The following PALM2AKAP2 variants were observed in gnomAD, a reference collection of about 807,000 sequenced individuals.
PALM2AKAP2 encodes PALM2-AKAP2 fusion protein.
PALM2AKAP2 carries 37 observed loss-of-function variants against 71.5 expected under a neutral mutation model. That is an observed-to-expected ratio of 0.52 (90% CI 0.40 to 0.68). The LOEUF (loss-of-function observed/expected upper bound fraction) is 0.68, where lower values mean the gene tolerates loss of function less well. Ranked by LOEUF, PALM2AKAP2 falls within the 30% of genes least tolerant of loss-of-function variation. The pLI is 0.00. For synonymous variants in PALM2AKAP2, 468 were observed against 478.8 expected (o/e 0.98, Z 0.29); for missense variants, 1,224 against 1,191.8 (o/e 1.03, Z -0.40).
intron 1 of PALM2AKAP2, among the ~76,000 whole-genome samples, chr9:109,716,296 A>G (rs376885192): frequency 1.3e-5 from 2 of 152,310 alleles, no homozygotes; most frequent in East Asian, 3.9e-4. Flanking sequence ...GTAACTGTGC[A>G]TGGTTCCTGT....
intron 1 of PALM2AKAP2, among the ~76,000 whole-genome samples, chr9:110,081,588 TC>T (rs1488999305): frequency 2.0e-5 from 3 of 151,420 alleles, no homozygotes; most frequent in African/African-American, 7.2e-5. Context: ...TCACAGAGAA[TC>T]CCAGGGCTAA....
At chr9:109,850,953 G>A (rs924269507) in intron 1 of PALM2AKAP2, among the ~76,000 whole-genome samples, 21 of 152,012 alleles carry the variant, frequency 1.4e-4, no homozygotes, top group Admixed American at 5.9e-4. Flanking sequence ...CGAGGCGGGC[G>A]GATCACGAGG....
intron 1 of PALM2AKAP2, among the ~76,000 whole-genome samples, chr9:109,754,414 A>C (rs533082125): frequency 8.9e-4 from 135 of 152,276 alleles, no homozygotes; most frequent in Non-Finnish European, 1.5e-3. Context: ...TGGTAAGAAC[A>C]CTTAATGGGA....
exon 2 of PALM2AKAP2, chr9:110,136,935 A>G: frequency 3.1e-6 from 5 of 1,614,214 alleles, no homozygotes; most frequent in Non-Finnish European, 3.4e-6. Flanking sequence ...GCCGTCAAGA[A>G]GAATCCTGGC....
At chr9:109,899,211 AT>A (rs1254634796) in intron 3 of PALM2AKAP2, among the ~76,000 whole-genome samples, 4 of 152,116 alleles carry the variant, frequency 2.6e-5, no homozygotes, top group Non-Finnish European at 5.9e-5. Context: ...TCTCTGATTG[AT>A]TCCTTTTCAT....
At chr9:109,862,142 G>A (rs528314936) in intron 1 of PALM2AKAP2, among the ~76,000 whole-genome samples, 31 of 152,286 alleles carry the variant, frequency 2.0e-4, no homozygotes, top group African/African-American at 6.5e-4. Flanking sequence ...TCCACAGCCT[G>A]TGGGGAGGGA....
At position 110,084,387 on chromosome 9, in the gene PALM2AKAP2, A is replaced by G. The variant is rs537630406; in HGVS notation, c.156+35532A>G. The stretch of plus-strand genomic sequence containing the variant: ...AAAAACCATTAAATTATCATTCTCC[A>G]TATTGAGAAGTTAATAAATAATGCC... On this transcript the variant is annotated intron_variant, in intron 1 of 3. Transcript: ENST00000374525. Among the ~76,000 whole-genome samples, 5 of 152,332 alleles carry G rather than the reference A, an allele frequency of 3.3e-5. No homozygotes were observed. In the East Asian group the frequency reaches 7.7e-4, roughly 23 times the overall value.
intron 6 of PALM2AKAP2, chr9:109,943,624 C>T: frequency 1.5e-6 from 1 of 679,972 alleles, no homozygotes. Context: ...TTCATTCTCT[C>T]CAAGAACTTG....
intron 3 of PALM2AKAP2, among the ~76,000 whole-genome samples, chr9:109,908,847 T>C (rs1461388978): frequency 7.5e-6 from 1 of 133,762 alleles, no homozygotes; most frequent in Non-Finnish European, 1.7e-5. Flanking sequence ...CAGAGGCCGA[T>C]GGGAAAATCT....
intron 6 of PALM2AKAP2, among the ~76,000 whole-genome samples, chr9:109,981,536 G>A (rs1210710354): frequency 6.6e-6 from 1 of 152,232 alleles, no homozygotes; most frequent in Non-Finnish European, 1.5e-5. Flanking sequence ...TCAGGCCAAT[G>A]CTTCTGAACA....
At chr9:109,717,173 T>C (rs1413704419) in intron 1 of PALM2AKAP2, among the ~76,000 whole-genome samples, 2 of 152,008 alleles carry the variant, frequency 1.3e-5, no homozygotes, top group Non-Finnish European at 2.9e-5. Context: ...TGAAAGAAGA[T>C]GAAGGCTGGA....
chr9:110,008,844 G>A (rs962968687), intron 6 of PALM2AKAP2, among the ~76,000 whole-genome samples: 12 of 151,942 alleles, frequency 7.9e-5, no homozygotes, highest in Middle Eastern at 3.4e-3. Context: ...CTGGCCAATG[G>A]GTGTGGGCAG....
At chr9:109,779,891 C>A (rs1048261597), upstream of PALM2AKAP2, among the ~76,000 whole-genome samples, 2 of 152,156 alleles carry the variant, frequency 1.3e-5, no homozygotes, top group African/African-American at 2.4e-5. Flanking sequence ...CGGTCAGACG[C>A]CCCTCTCCAC....
At chr9:110,041,333 A>T (rs1448367583) in intron 7 of PALM2AKAP2, among the ~76,000 whole-genome samples, 1 of 151,652 alleles carries the variant, frequency 6.6e-6, no homozygotes, top group Non-Finnish European at 1.5e-5. Context: ...TGCCATTTAC[A>T]TGTATATTAC....
At chr9:110,015,994 A>G (rs775490532) in exon 7 of PALM2AKAP2, 9 of 1,613,996 alleles carry the variant, frequency 5.6e-6, no homozygotes, top group Non-Finnish European at 6.8e-6. Context: ...AAGGTGAGTC[A>G]GCCTCGAACG....
At chr9:109,843,301 CAAAAAAA>C (rs35634219) in intron 1 of PALM2AKAP2, among the ~76,000 whole-genome samples, 1 of 66,962 alleles carries the variant, frequency 1.5e-5, no homozygotes, top group African/African-American at 7.0e-5. Flanking sequence ...GCCCCTGTCT[CAAAAAAA>C]AAAAAAAAAA....
At chr9:109,998,785 G>A (rs1181458305) in intron 6 of PALM2AKAP2, among the ~76,000 whole-genome samples, 4 of 147,348 alleles carry the variant, frequency 2.7e-5, no homozygotes, top group Non-Finnish European at 5.9e-5. Flanking sequence ...AAAAAAAAGG[G>A]GGGATAGTCC....
chr9:109,877,049 G>A (rs1829736897), intron 2 of PALM2AKAP2, among the ~76,000 whole-genome samples: 1 of 152,168 alleles, frequency 6.6e-6, no homozygotes, highest in African/African-American at 2.4e-5. Flanking sequence ...AGCCATTTAC[G>A]TTGCAAGAAG....
At chr9:110,010,313 C>CAG (rs1030978874) in intron 6 of PALM2AKAP2, among the ~76,000 whole-genome samples, 1 of 151,574 alleles carries the variant, frequency 6.6e-6, no homozygotes, top group Non-Finnish European at 1.5e-5. Context: ...TTTCTCTTCT[C>CAG]AAAGACATTA....
Sources: gnomAD v4.1 joint callset for allele counts (sites outside exome capture counted in the v4.1 genomes callset) on GRCh38, gnomAD v4.1.1 for gene constraint, MANE v1.5 for transcripts, NCBI Gene and HGNC (gene_info 2026-07-23, HGNC 2026-07-21) for gene names.